CUX1: variants seen among roughly 807,000 people sequenced by gnomAD.
CUX1 encodes the protein cut like homeobox 1, also known as protein CASP.
A neutral mutation model predicts 158.8 loss-of-function variants in CUX1; 31 were observed. The ratio of observed to expected loss-of-function variants is 0.20; its 90% CI spans 0.15 to 0.26. CUX1 has a LOEUF of 0.26. CUX1 is among the 10% of genes least tolerant of loss of function. The pLI, the probability that CUX1 is intolerant of heterozygous loss-of-function variation, is 1.00. For missense variants in CUX1, 1,589 were observed against 2,014.6 expected (o/e 0.79, Z 4.04); for synonymous variants, 879 against 862.1 (o/e 1.02, Z -0.34).
intron 9 of CUX1, among the ~76,000 whole-genome samples, chr7:102,168,923 C>CTTTTTTTTTTTTTTTTTT (rs1191271149): frequency 2.2e-5 from 1 of 45,054 alleles, no homozygotes; most frequent in African/African-American, 1.6e-4. Flanking sequence ...ATTTTCTTTT[C>CTTTTTTTTTTTTTTTTTT]TTTTCTTTTA....
intron 2 of CUX1, among the ~76,000 whole-genome samples, chr7:102,021,091 G>C (rs1439940198): frequency 6.6e-6 from 1 of 151,802 alleles, no homozygotes; most frequent in South Asian, 2.1e-4. Context: ...AAGTGACCCA[G>C]TTCAGCCCCT....
intron 1 of CUX1, among the ~76,000 whole-genome samples, chr7:101,821,559 C>T (rs1303547770): frequency 6.0e-5 from 9 of 150,878 alleles, no homozygotes; most frequent in Non-Finnish European, 8.8e-5. Context: ...CGGATGGTCT[C>T]GATCTCCTCA....
intron 1 of CUX1, among the ~76,000 whole-genome samples, chr7:101,862,950 A>G (rs1210357863): frequency 1.5e-4 from 23 of 152,124 alleles, no homozygotes; most frequent in Admixed American, 1.5e-3. Flanking sequence ...CCCAAACAGA[A>G]GAAGATCATG....
intron 3 of CUX1, among the ~76,000 whole-genome samples, chr7:102,060,128 A>AT (rs1824624225): frequency 6.6e-6 from 1 of 151,184 alleles, no homozygotes; most frequent in East Asian, 2.0e-4. Context: ...ATACAAAAAA[A>AT]GTAGCTGGGC....
At chr7:101,911,336 C>T (rs936580039) in intron 1 of CUX1, among the ~76,000 whole-genome samples, 1 of 146,224 alleles carries the variant, frequency 6.8e-6, no homozygotes, top group African/African-American at 2.6e-5. Context: ...GACCTGAGCC[C>T]TGGCCTTGGC....
intron 9 of CUX1, 132 bp from the exon 10 acceptor site, chr7:102,170,314 G>C (rs1032773534): frequency 1.1e-5 from 7 of 635,966 alleles, no homozygotes; most frequent in Non-Finnish European, 1.9e-5. Context: ...TTTTTTCCTA[G>C]CATTTATTAG....
intron 1 of CUX1, among the ~76,000 whole-genome samples, chr7:101,829,896 C>T (rs936521723): frequency 2.7e-5 from 4 of 148,090 alleles, no homozygotes; most frequent in African/African-American, 9.9e-5. Context: ...TACTCACTAT[C>T]CTCAGATGCC....
chr7:102,013,886 G>A (rs1037367563), intron 2 of CUX1, among the ~76,000 whole-genome samples: 3 of 151,766 alleles, frequency 2.0e-5, no homozygotes, highest in Non-Finnish European at 2.9e-5. Context: ...TGTATTTTTT[G>A]TAGAGACAGG....
chr7:102,283,118 A>G (rs1792238144), exon 23 of CUX1: 1 of 1,590,128 alleles, frequency 6.3e-7, no homozygotes, highest in Non-Finnish European at 8.6e-7. Flanking sequence ...CGTGACAGTG[A>G]CGGCTGCGCC....
intron 8 of CUX1, among the ~76,000 whole-genome samples, chr7:102,137,254 G>A (rs1554499006): frequency 6.6e-6 from 1 of 152,182 alleles, no homozygotes; most frequent in Non-Finnish European, 1.5e-5. Context: ...GATGCCATGG[G>A]ATCAAAGCCC....
At chr7:101,936,553 C>T (rs901480679) in intron 2 of CUX1, among the ~76,000 whole-genome samples, 3 of 152,124 alleles carry the variant, frequency 2.0e-5, no homozygotes, top group East Asian at 3.9e-4. Context: ...AAAAGGTTAT[C>T]CTTCAAGGGT....
At chr7:101,988,698 G>C (rs1258357024) in intron 2 of CUX1, among the ~76,000 whole-genome samples, 3 of 152,070 alleles carry the variant, frequency 2.0e-5, no homozygotes. Flanking sequence ...TTGCGACAGA[G>C]TCCTGCGTCG....
chr7:101,874,206 T>A (rs1251492597), intron 1 of CUX1, among the ~76,000 whole-genome samples: 3 of 152,208 alleles, frequency 2.0e-5, no homozygotes, highest in Non-Finnish European at 4.4e-5. Flanking sequence ...AATGGTACAT[T>A]CCTTTCATGC....
rs150934912 is a variant in CUX1 at position 102,079,979 on chromosome 7, C to T, written c.268+9562C>T. 4.1e-3 allele frequency among the ~76,000 whole-genome samples: 621 copies of T among 152,286 alleles called. 4 individuals are homozygous for T. The highest frequency in any genetic ancestry group is 0.014 in the African/African-American group (590 of 41,568). On this transcript the variant is annotated intron_variant, in intron 4 of 23. Transcript: ENST00000292535. ...ATGGAAGCAGCGTCCCTACCTTCCT[C>T]GGCCAGGTTCATAAACCTGGGGCTC...
intron 2 of CUX1, among the ~76,000 whole-genome samples, chr7:101,990,806 C>G (rs1815009026): frequency 6.6e-6 from 1 of 152,208 alleles, no homozygotes; most frequent in Non-Finnish European, 1.5e-5. Flanking sequence ...ACATCCCCTT[C>G]CGTGGTCAGG....
chr7:102,108,733 A>ATT (rs201621470), intron 6 of CUX1, among the ~76,000 whole-genome samples: 34 of 99,732 alleles, frequency 3.4e-4, no homozygotes, highest in Non-Finnish European at 5.6e-4. Context: ...TACTTCATTC[A>ATT]TTTTGTGTGT....
At chr7:101,908,557 C>T (rs1803030606) in intron 1 of CUX1, among the ~76,000 whole-genome samples, 1 of 152,008 alleles carries the variant, frequency 6.6e-6, no homozygotes, top group Non-Finnish European at 1.5e-5. Context: ...GATCCACCCA[C>T]CTCAGCCTTC....
chr7:102,215,229 CTTTTTTTTTTTTT>C (rs547506149), intron 20 of CUX1, among the ~76,000 whole-genome samples: 7 of 92,748 alleles, frequency 7.5e-5, no homozygotes, highest in African/African-American at 3.0e-4. Context: ...GTTACTCCAA[CTTTTTTTTTTTTT>C]TTTTTTTTTT....
At chr7:102,184,734 C>A (rs532012757) in intron 11 of CUX1, among the ~76,000 whole-genome samples, 7 of 152,036 alleles carry the variant, frequency 4.6e-5, no homozygotes, top group Non-Finnish European at 8.8e-5. Flanking sequence ...GCAGCCTCAA[C>A]CTCCAGGGCT....
Sources: gnomAD v4.1 joint callset for allele counts (sites outside exome capture counted in the v4.1 genomes callset) on GRCh38, gnomAD v4.1.1 for gene constraint, MANE v1.5 for transcripts, NCBI Gene and HGNC (gene_info 2026-07-23, HGNC 2026-07-21) for gene names.